The following SYN2 variants were observed in gnomAD, a reference collection of about 807,000 sequenced individuals.
The protein encoded by SYN2 is synapsin-2.
Under a neutral mutation model 50.9 loss-of-function variants are expected in SYN2, and 19 were observed. The observed-to-expected ratio is 0.37, with a 90% confidence interval of 0.26 to 0.55. The LOEUF is 0.55. Among genes scored for constraint, SYN2 ranks in the 20% least tolerant of loss-of-function variants. The pLI is 0.81. For missense variants in SYN2, 587 were observed against 576.4 expected (o/e 1.02, Z -0.19); for synonymous variants, 255 against 224.9 (o/e 1.13, Z -1.20).
chr3:12,128,853 C>G (rs1696728283), intron 1 of SYN2, among the ~76,000 whole-genome samples: 1 of 152,102 alleles, frequency 6.6e-6, no homozygotes, highest in South Asian at 2.1e-4. Flanking sequence ...CTGTGGTGCA[C>G]TTGATACTTT....
At chr3:12,119,536 T>C (rs530358673) in intron 1 of SYN2, among the ~76,000 whole-genome samples, 1 of 152,276 alleles carries the variant, frequency 6.6e-6, no homozygotes, top group Admixed American at 6.5e-5. Flanking sequence ...CTAACAGCTG[T>C]TTTTCTCTCT....
chr3:12,082,335 G>T (rs576066097), intron 1 of SYN2, among the ~76,000 whole-genome samples: 31 of 152,282 alleles, frequency 2.0e-4, no homozygotes, highest in African/African-American at 7.2e-4. Context: ...TTACAGACCC[G>T]CAGGAGTAAA....
intron 1 of SYN2, among the ~76,000 whole-genome samples, chr3:12,037,490 C>A (rs1694522938): frequency 6.6e-6 from 1 of 152,142 alleles, no homozygotes; most frequent in East Asian, 1.9e-4. Context: ...GATCAAGGGG[C>A]TGTATCTGGT....
chr3:12,060,775 C>A (rs1695096721), intron 1 of SYN2, among the ~76,000 whole-genome samples: 1 of 152,100 alleles, frequency 6.6e-6, no homozygotes, highest in African/African-American at 2.4e-5. Flanking sequence ...CATAAAACTT[C>A]ACACTAAAGG....
At chr3:12,154,475 T>C in intron 5 of SYN2, 1 of 1,611,174 alleles carries the variant, frequency 6.2e-7, no homozygotes, top group East Asian at 2.2e-5. Flanking sequence ...TGGAGGAGAG[T>C]CAAGCATCAG....
intron 1 of SYN2, among the ~76,000 whole-genome samples, chr3:12,096,531 T>A (rs987450655): frequency 2.0e-5 from 3 of 152,070 alleles, no homozygotes; most frequent in Admixed American, 2.0e-4. Flanking sequence ...GTTATAAGAC[T>A]TTTGCTACTA....
rs534785715 is a variant in SYN2 at position 12,042,846 on chromosome 3, A to G, written c.377+37918A>G. Among the ~76,000 whole-genome samples, 3 of 152,302 alleles carry G rather than the reference A, an allele frequency of 2.0e-5. No homozygotes were observed. The South Asian group carries it at 6.2e-4, about 32-fold the overall frequency. ...CAGAGATTGCAGCTAGGCAACTACA[A>G]GCTAGGGAATGGCAAGGATTGCTTG... On this transcript the variant is annotated intron_variant, in intron 1 of 12. Transcript: ENST00000621198.
At chr3:12,064,483 A>G (rs1469924598) in intron 1 of SYN2, among the ~76,000 whole-genome samples, 1 of 152,148 alleles carries the variant, frequency 6.6e-6, no homozygotes, top group Non-Finnish European at 1.5e-5. Context: ...TAAATAATGT[A>G]GCTAAGAGAG....
chr3:12,179,354 A>G (rs1371004849), intron 10 of SYN2, among the ~76,000 whole-genome samples: 1 of 135,558 alleles, frequency 7.4e-6, no homozygotes, highest in African/African-American at 2.8e-5. Context: ...CTCAGTTCTC[A>G]CACACCGGAA....
rs913598596 is a variant in SYN2 at position 12,190,688 on chromosome 3, C to T, written c.*63C>T. The T allele has an allele frequency of 1.0e-5, 16 of 1,583,614 alleles. No individual in the cohort carries two copies. In the Admixed American group the frequency reaches 2.9e-4, roughly 29 times the overall value. On this transcript the variant is annotated 3_prime_UTR_variant, in exon 13 of 13. Transcript: ENST00000621198. The stretch of plus-strand genomic sequence containing the variant: ...AGGCATCTAAGACATTCACCAACAA[C>T]AGTCAGCCAGCTTGGTGGTTATGTC...
At chr3:12,014,068 C>A (rs1156567332) in intron 1 of SYN2, among the ~76,000 whole-genome samples, 1 of 152,130 alleles carries the variant, frequency 6.6e-6, no homozygotes, top group African/African-American at 2.4e-5. Context: ...TCTATGCCCC[C>A]TCCATGCCCT....
chr3:12,105,186 G>A (rs1696159090), intron 1 of SYN2, among the ~76,000 whole-genome samples: 1 of 152,110 alleles, frequency 6.6e-6, no homozygotes. Flanking sequence ...AACTCATGCA[G>A]TGGCTACAGT....
At chr3:12,066,136 T>C (rs755623502) in intron 1 of SYN2, among the ~76,000 whole-genome samples, 8 of 152,142 alleles carry the variant, frequency 5.3e-5, no homozygotes, top group Non-Finnish European at 1.0e-4. Flanking sequence ...GTGGATGATA[T>C]CCGGGTAAAG....
chr3:12,005,114 A>G (rs1045930126), intron 1 of SYN2, among the ~76,000 whole-genome samples, 186 bp downstream of exon 1: 2 of 152,156 alleles, frequency 1.3e-5, no homozygotes, highest in African/African-American at 2.4e-5. Context: ...GGCATCCATC[A>G]GCCCGGAAAG....
At chr3:12,052,683 C>T (rs1041557914) in intron 1 of SYN2, among the ~76,000 whole-genome samples, 5 of 152,152 alleles carry the variant, frequency 3.3e-5, no homozygotes, top group Admixed American at 2.0e-4. Flanking sequence ...AGACTAGAGG[C>T]GAGAAAACAA....
intron 1 of SYN2, among the ~76,000 whole-genome samples, chr3:12,026,466 G>A (rs78766240): frequency 0.01 from 1,564 of 151,442 alleles, 12 homozygotes; most frequent in Non-Finnish European, 0.015. Context: ...AAAATAGAAG[G>A]GGCTATAATT....
chr3:12,042,348 A>G (rs2128113), intron 1 of SYN2, among the ~76,000 whole-genome samples: 1 of 152,234 alleles, frequency 6.6e-6, no homozygotes, highest in Non-Finnish European at 1.5e-5. Context: ...AATTTGCCCA[A>G]GGTCTCACAG....
chr3:12,172,448 G>A (rs1697957405), intron 10 of SYN2, among the ~76,000 whole-genome samples: 1 of 152,178 alleles, frequency 6.6e-6, no homozygotes, highest in Non-Finnish European at 1.5e-5. Context: ...CACAGTTACA[G>A]TATATTATGG....
chr3:12,044,211 A>ACACC (rs1694688605), intron 1 of SYN2, among the ~76,000 whole-genome samples: 1 of 146,784 alleles, frequency 6.8e-6, no homozygotes, highest in African/African-American at 2.5e-5. Context: ...ACACACACAC[A>ACACC]CACACACACA....
Sources: allele counts gnomAD v4.1 joint callset (sites outside exome capture counted in the v4.1 genomes callset), GRCh38; gene constraint gnomAD v4.1.1; transcripts MANE v1.5; gene names NCBI Gene and HGNC (gene_info 2026-07-23, HGNC 2026-07-21).